MAST2: variants seen among roughly 807,000 people sequenced by gnomAD.
The protein encoded by MAST2 is microtubule associated serine/threonine kinase 2, also known as microtubule-associated serine/threonine-protein kinase 2.
A neutral mutation model predicts 147.4 loss-of-function variants in MAST2; 70 were observed. That is an observed-to-expected ratio of 0.47 (90% confidence interval 0.39 to 0.58). The LOEUF is 0.58. Among genes scored for constraint, MAST2 ranks in the 20% least tolerant of loss-of-function variants. The probability of loss-of-function intolerance (pLI) is 0.00; values close to 1 mark genes in which losing one functional copy is unlikely to be tolerated. For synonymous variants in MAST2, 869 were observed against 896.8 expected (o/e 0.97, Z 0.55); for missense variants, 2,080 against 2,302.3 (o/e 0.90, Z 1.98).
intron 15 of MAST2, chr1:46,024,335 CAG>C: frequency 3.7e-6 from 1 of 271,152 alleles, no homozygotes; most frequent in East Asian, 8.1e-5. Context: ...TCTGGACCCT[CAG>C]AAGAAAGGAA....
intron 4 of MAST2, among the ~76,000 whole-genome samples, chr1:45,909,514 CT>C (rs1049052815): frequency 1.7e-3 from 238 of 142,970 alleles, no homozygotes; most frequent in African/African-American, 2.7e-3. Context: ...TCTATATCGT[CT>C]TTTTTTTTTT....
intron 5 of MAST2, 118 bp from the exon 6 acceptor site, chr1:45,997,606 G>A: frequency 1.3e-6 from 1 of 745,662 alleles, no homozygotes; most frequent in Non-Finnish European, 2.4e-6. Flanking sequence ...ACTGATAGTG[G>A]CCCTGAGAAA....
chr1:45,986,646 G>T (rs1255912027), intron 5 of MAST2, among the ~76,000 whole-genome samples: 5 of 151,358 alleles, frequency 3.3e-5, no homozygotes, highest in Non-Finnish European at 7.4e-5. Flanking sequence ...GAACCTGGGA[G>T]GCGGAGCTTG....
intron 4 of MAST2, among the ~76,000 whole-genome samples, chr1:45,958,589 C>T (rs972991069): frequency 6.6e-6 from 1 of 150,812 alleles, no homozygotes. Context: ...CTTTCTTCCT[C>T]TTCCTTTTCC....
At chr1:45,915,318 A>G (rs992755316) in intron 4 of MAST2, among the ~76,000 whole-genome samples, 5 of 152,180 alleles carry the variant, frequency 3.3e-5, no homozygotes, top group Non-Finnish European at 7.3e-5. Context: ...GCTAATAAGT[A>G]GTTTGTATAT....
chr1:45,990,067 A>G (rs573906884), intron 5 of MAST2, among the ~76,000 whole-genome samples: 9 of 152,314 alleles, frequency 5.9e-5, no homozygotes, highest in African/African-American at 2.2e-4. Context: ...TGTGTAGACA[A>G]GTTTTCAACC....
At chr1:45,854,429 T>C (rs941308132) in intron 3 of MAST2, among the ~76,000 whole-genome samples, 1 of 152,152 alleles carries the variant, frequency 6.6e-6, no homozygotes, top group Non-Finnish European at 1.5e-5. Context: ...CCTTCTGCCA[T>C]TACCACAATG....
intron 3 of MAST2, among the ~76,000 whole-genome samples, chr1:45,871,544 C>T (rs567733567): frequency 6.6e-6 from 1 of 152,170 alleles, no homozygotes; most frequent in East Asian, 1.9e-4. Flanking sequence ...CTTTTTGTTC[C>T]CTGTTTGTGC....
chr1:45,933,247 T>TGGGGGGGG (rs1188759394), intron 4 of MAST2, among the ~76,000 whole-genome samples: 1 of 19,576 alleles, frequency 5.1e-5, no homozygotes, highest in Non-Finnish European at 1.1e-4. Flanking sequence ...GCGGGGGGGT[T>TGGGGGGGG]GGGGGGGGCA....
chr1:45,964,932 T>G (rs999767535), intron 5 of MAST2, among the ~76,000 whole-genome samples: 7 of 152,232 alleles, frequency 4.6e-5, no homozygotes, highest in African/African-American at 1.7e-4. Context: ...TTGTTCTCGT[T>G]GGTTTCAAAG....
rs1646870024 is a variant in MAST2, at chr1:46,035,566, A to G, written c.4897A>G (p.Ser1633Gly). ...CCAGGCACTAACAGCACTTTCTCCCAGCACTTCGGGACTCACCCCCACCAG... is the reference window on the plus strand; with the variant it reads ...CCAGGCACTAACAGCACTTTCTCCCGGCACTTCGGGACTCACCCCCACCAG... ...HTQALTALSP[S>G]TSGLTPTSSC... is the part of the protein sequence containing the mutation. Residue 1633 changes from serine (S) to glycine (G), a missense_variant, in exon 29 of 29, where the codon AGC becomes GGC. Transcript: ENST00000361297. The surrounding 1 kb of genome is among the most constrained non-coding windows in gnomAD (Gnocchi z 5.5). The G allele has an allele frequency of 6.2e-7, 1 of 1,613,638 alleles. No homozygotes were observed. Among genetic ancestry groups the G allele is most frequent in the Non-Finnish European group, 8.5e-7 (1 of 1,180,010 alleles).
intron 4 of MAST2, among the ~76,000 whole-genome samples, chr1:45,906,522 G>A: frequency 6.8e-6 from 1 of 148,128 alleles, no homozygotes; most frequent in East Asian, 1.9e-4. Context: ...AGTAAGCTAA[G>A]ATTAATTTAT....
chr1:45,812,282 A>G (rs770081748), intron 1 of MAST2, among the ~76,000 whole-genome samples: 1 of 152,116 alleles, frequency 6.6e-6, no homozygotes. Flanking sequence ...ATTTAGTTTC[A>G]TCAAAAGTAC....
At chr1:45,973,204 C>T (rs1344801437) in intron 5 of MAST2, among the ~76,000 whole-genome samples, 3 of 151,816 alleles carry the variant, frequency 2.0e-5, no homozygotes, top group East Asian at 1.9e-4. Context: ...GGTTTCGATA[C>T]ACCCGTAGTT....
chr1:45,984,315 T>G (rs1325960584), intron 5 of MAST2, among the ~76,000 whole-genome samples: 1 of 151,614 alleles, frequency 6.6e-6, no homozygotes, highest in Non-Finnish European at 1.5e-5. Flanking sequence ...TAATTTTTTT[T>G]TTTTTTGAGA....
At chr1:45,948,472 C>G (rs1658423718) in intron 4 of MAST2, among the ~76,000 whole-genome samples, 1 of 151,960 alleles carries the variant, frequency 6.6e-6, no homozygotes, top group Non-Finnish European at 1.5e-5. Flanking sequence ...CTTTGGGAGG[C>G]CAAGGCGGGT....
In MAST2 at chr1:46,001,338, C is replaced by T. The variant is rs375398468; in HGVS notation, c.669-1467C>T. Among the ~76,000 whole-genome samples, 5 of 152,286 alleles carry T rather than the reference C, an allele frequency of 3.3e-5. No individual in the cohort carries two copies. In the East Asian group the frequency reaches 7.7e-4, roughly 24 times the overall value. On this transcript the variant is annotated intron_variant, in intron 6 of 28. Transcript: ENST00000361297. ...GCATTTCTTCCTGACTCTGGTGGCC[C>T]CTGCTGTTCATTATACAGAGAAATT...
intron 6 of MAST2, among the ~76,000 whole-genome samples, chr1:46,001,453 C>T (rs1156944853): frequency 1.3e-5 from 2 of 152,210 alleles, no homozygotes; most frequent in Non-Finnish European, 2.9e-5. Flanking sequence ...GGAAATCCAT[C>T]CCTGAGTTAT....
At chr1:45,965,949 G>A (rs12403666) in intron 5 of MAST2, among the ~76,000 whole-genome samples, 50,332 of 151,902 alleles carry the variant, frequency 0.33, 8,617 homozygotes, top group African/African-American at 0.41. Flanking sequence ...GTGTGTCTGG[G>A]CAACATTATC....
Sources: allele counts gnomAD v4.1 joint callset (sites outside exome capture counted in the v4.1 genomes callset), GRCh38; gene constraint gnomAD v4.1.1; non-coding constraint Gnocchi (gnomAD v3.1); transcripts MANE v1.5; gene names NCBI Gene and HGNC (gene_info 2026-07-23, HGNC 2026-07-21).